SLC38A11: variants seen among roughly 807,000 people sequenced by gnomAD.
SLC38A11 encodes the protein putative sodium-coupled neutral amino acid transporter 11.
Under a neutral mutation model 49.4 loss-of-function variants are expected in SLC38A11, and 51 were observed. That is an observed-to-expected ratio of 1.03 (90% CI 0.83 to 1.30). SLC38A11 has a LOEUF of 1.30. Ranked by LOEUF, SLC38A11 falls within the 50% of genes most tolerant of loss-of-function variation. The pLI, the probability that SLC38A11 is intolerant of heterozygous loss-of-function variation, is 0.00. For missense variants in SLC38A11, 574 were observed against 556.2 expected (o/e 1.03, Z -0.32); for synonymous variants, 203 against 192.9 (o/e 1.05, Z -0.43).
At position 164,925,945 on chromosome 2, in the gene SLC38A11, G is replaced by C. The variant is rs530062461; in HGVS notation, c.618-9972C>G. ...ATAGTTCTCCAAGCTGGAAACTTTGGTATCACCCTAGGTAACTCCTGTACC... is the reference window on the plus strand; with the variant it reads ...ATAGTTCTCCAAGCTGGAAACTTTGCTATCACCCTAGGTAACTCCTGTACC... On this transcript the variant is annotated intron_variant, in intron 7 of 11. Coordinates refer to ENST00000685975, the MANE Select transcript of SLC38A11 (RefSeq NM_001351537.2). Among the ~76,000 whole-genome samples the C allele has an allele frequency of 2.6e-5, 4 of 152,208 alleles. No individual in the cohort carries two copies. In the South Asian group the frequency reaches 6.2e-4, roughly 24 times the overall value.
chr2:164,928,834 A>T (rs1208628986), intron 7 of SLC38A11, among the ~76,000 whole-genome samples: 3 of 152,110 alleles, frequency 2.0e-5, no homozygotes, highest in Admixed American at 6.6e-5. Flanking sequence ...GAATGTGTTC[A>T]CAATTTACTC....
At chr2:164,933,632 C>T (rs1364489205) in intron 7 of SLC38A11, among the ~76,000 whole-genome samples, 3 of 152,148 alleles carry the variant, frequency 2.0e-5, no homozygotes, top group South Asian at 2.1e-4. Flanking sequence ...TTTCAAACAC[C>T]ACTTTAAAAG....
intron 7 of SLC38A11, among the ~76,000 whole-genome samples, chr2:164,930,801 A>G (rs1282326543): frequency 6.6e-6 from 1 of 152,142 alleles, no homozygotes; most frequent in East Asian, 1.9e-4. Context: ...CCAACATCAT[A>G]CTAAATGGGC....
At chr2:164,935,509 A>AG (rs1469405203) in intron 7 of SLC38A11, among the ~76,000 whole-genome samples, 1 of 148,624 alleles carries the variant, frequency 6.7e-6, no homozygotes, top group Non-Finnish European at 1.5e-5. Flanking sequence ...ATCTCTACAA[A>AG]AAAAAAAAAA....
intron 7 of SLC38A11, among the ~76,000 whole-genome samples, chr2:164,918,547 A>G (rs1685959729): frequency 6.6e-6 from 1 of 152,192 alleles, no homozygotes; most frequent in Non-Finnish European, 1.5e-5. Flanking sequence ...GTGAAAAGTT[A>G]GAAATACTCT....
chr2:164,915,837 C>T, intron 8 of SLC38A11, 66 bp downstream of exon 8: 1 of 1,200,900 alleles, frequency 8.3e-7, no homozygotes, highest in Non-Finnish European at 1.2e-6. Flanking sequence ...AAATATGAAA[C>T]ACAGCACTTT....
intron 5 of SLC38A11, among the ~76,000 whole-genome samples, chr2:164,943,200 A>G (rs1573996946): frequency 1.3e-5 from 2 of 152,222 alleles, no homozygotes; most frequent in East Asian, 3.8e-4. Context: ...GCAAAAAGAC[A>G]CATGATCTCT....
chr2:164,916,443 C>T (rs2105464837), intron 7 of SLC38A11, among the ~76,000 whole-genome samples: 1 of 152,030 alleles, frequency 6.6e-6, no homozygotes, highest in East Asian at 1.9e-4. Flanking sequence ...TGAACTAATA[C>T]TAATTGAGGA....
Position 164,928,896 on chromosome 2 carries a change from C to G in SLC38A11, c.617+8454G>C, listed in dbSNP as rs114104192. 3.2e-3 allele frequency among the ~76,000 whole-genome samples: 490 copies of G among 152,208 alleles called. 3 individuals carry two copies. The highest frequency in any genetic ancestry group is 0.011 in the African/African-American group (456 of 41,562). On this transcript the variant is annotated intron_variant, in intron 7 of 11. Coordinates refer to ENST00000685975, the MANE Select transcript of SLC38A11 (RefSeq NM_001351537.2). ...AAGGACAAAGTATCTTAGCTCCTCTCCAAGATCACCCTAACTGTATCCTAA... is the reference window on the plus strand; with the variant it reads ...AAGGACAAAGTATCTTAGCTCCTCTGCAAGATCACCCTAACTGTATCCTAA...
intron 9 of SLC38A11, 63 bp from the exon 10 acceptor site, chr2:164,911,811 TAA>T: frequency 2.3e-6 from 2 of 852,448 alleles, no homozygotes; most frequent in Non-Finnish European, 3.6e-6. Context: ...AACTATCTAA[TAA>T]ATTAAATATT....
rs1180265488 is a variant in SLC38A11 at position 164,897,843 on chromosome 2, A to G, written c.*594T>C. The G allele has an allele frequency of 1.3e-5, 2 of 152,206 alleles. No individual in the cohort carries two copies. The highest frequency in any genetic ancestry group is 2.4e-5 in the African/African-American group (1 of 41,404). 9.4% of individuals were successfully genotyped at this position (152,206 alleles called of 1,614,324 possible). On this transcript the variant is annotated 3_prime_UTR_variant, in exon 12 of 12. Coordinates refer to ENST00000685975, the MANE Select transcript of SLC38A11 (RefSeq NM_001351537.2). The stretch of plus-strand genomic sequence containing the variant: ...GGGAGGTGATTTTGATTCTTTACAC[A>G]CCTTGCTCCTCACAGCCAGTCTATG...
rs200284770 is a variant in SLC38A11 at position 164,947,117 on chromosome 2, C to CTTTTTTTTTTTTT, written c.230-1403_230-1391dup. On this transcript the variant is annotated intron_variant, in intron 3 of 11. Transcript: ENST00000685975. ...CCTGGATTCTTGGACTTTTTTATCTCTTTTTTTTTTTTTTTTTTTTTTTTT... is the reference window on the plus strand; with the variant it reads ...CCTGGATTCTTGGACTTTTTTATCTCTTTTTTTTTTTTTTTTTTTTTTTTTTTTTTTTTTTTTT... Among the ~76,000 whole-genome samples the CTTTTTTTTTTTTT allele has an allele frequency of 4.1e-4, 30 of 72,900 alleles. 2 individuals are homozygous for CTTTTTTTTTTTTT. Among genetic ancestry groups the CTTTTTTTTTTTTT allele is most frequent in the African/African-American group, 1.6e-3 (21 of 12,986 alleles). 47.8% of individuals were successfully genotyped at this position (72,900 alleles called of 152,430 possible).
chr2:164,924,036 C>G (rs866333053), intron 7 of SLC38A11, among the ~76,000 whole-genome samples: 1 of 152,154 alleles, frequency 6.6e-6, no homozygotes, highest in African/African-American at 2.4e-5. Flanking sequence ...TGCAGCAGTA[C>G]TCACAATAGC....
chr2:164,945,677 T>C lies in SLC38A11; in HGVS notation c.280A>G (p.Thr94Ala), dbSNP rs1574002948. 1 of 1,612,108 alleles carries C rather than the reference T, an allele frequency of 6.2e-7. No individual in the cohort carries two copies. The highest frequency in any genetic ancestry group is 8.5e-7 in the Non-Finnish European group (1 of 1,179,642). ...IKGGALSGTD[T>A]YQSLVNKTFG... ...GTTTTATTGACCAAAGACTGGTAGGTATCTGTTCCAGAGAGGGCCCCTCCT... is the reference window on the plus strand; with the variant it reads ...GTTTTATTGACCAAAGACTGGTAGGCATCTGTTCCAGAGAGGGCCCCTCCT... The change falls in exon 4 of 12, where the codon ACC (threonine) becomes GCC (alanine). Residue 94 changes from threonine (T) to alanine (A), a missense_variant. By Grantham distance (58) the Thr-to-Ala change is moderately conservative (BLOSUM62 0). Coordinates refer to ENST00000685975, the MANE Select transcript of SLC38A11 (RefSeq NM_001351537.2).
chr2:164,954,944 T>G (rs992320548), intron 1 of SLC38A11, among the ~76,000 whole-genome samples, 199 bp from the exon 2 acceptor site: 2 of 151,556 alleles, frequency 1.3e-5, no homozygotes, highest in Non-Finnish European at 2.9e-5. Context: ...GTAAGCAAAC[T>G]CCATCCTAAA....
At chr2:164,937,637 A>G in intron 6 of SLC38A11, 1 of 444,936 alleles carries the variant, frequency 2.2e-6, no homozygotes, top group Non-Finnish European at 4.0e-6. Flanking sequence ...ACCCACCCCA[A>G]GTAGGTGAGC....
intron 11 of SLC38A11, among the ~76,000 whole-genome samples, chr2:164,899,455 C>T (rs1324906730): frequency 6.6e-6 from 1 of 152,086 alleles, no homozygotes; most frequent in Non-Finnish European, 1.5e-5. Flanking sequence ...AAAATACCAA[C>T]AGCTATTGAT....
At chr2:164,945,767 A>G in intron 3 of SLC38A11, 40 bp from the exon 4 acceptor site, 1 of 1,573,008 alleles carries the variant, frequency 6.4e-7, no homozygotes, top group South Asian at 1.2e-5. Context: ...ATTACATGTA[A>G]TACAAATATT....
chr2:164,935,506 CAA>C (rs35788781), intron 7 of SLC38A11, among the ~76,000 whole-genome samples: 12 of 103,798 alleles, frequency 1.2e-4, no homozygotes, highest in South Asian at 2.9e-4. Flanking sequence ...TCCATCTCTA[CAA>C]AAAAAAAAAA....
Sources: allele counts gnomAD v4.1 joint callset (sites outside exome capture counted in the v4.1 genomes callset), GRCh38; gene constraint gnomAD v4.1.1; transcripts MANE v1.5; gene names NCBI Gene and HGNC (gene_info 2026-07-23, HGNC 2026-07-21).